Variants in WNK2 observed in about 807,000 individuals in gnomAD.
The protein encoded by WNK2 is WNK lysine deficient protein kinase 2.
In WNK2, 67 loss-of-function variants were observed where a neutral mutation model predicts 192.1. That is an observed-to-expected ratio of 0.35 (90% CI 0.29 to 0.43). The LOEUF is 0.43. Ranked by LOEUF, WNK2 falls within the 20% of genes least tolerant of loss-of-function variation. The pLI, the probability that WNK2 is intolerant of heterozygous loss-of-function variation, is 1.00. For synonymous variants in WNK2, 1,439 were observed against 1,393.9 expected, an observed-to-expected ratio of 1.03 and a Z score of -0.72; for missense variants, 2,698 against 3,089.7, an observed-to-expected ratio of 0.87 and a Z score of 3.01.
intron 2 of WNK2, among the ~76,000 whole-genome samples, chr9:93,191,725 G>T (rs1564263563): frequency 6.6e-6 from 1 of 152,110 alleles, no homozygotes; most frequent in Non-Finnish European, 1.5e-5. Context: ...CATCAGATCT[G>T]AAGGTAGAGA....
chr9:93,311,165 C>A (rs1272266123), intron 28 of WNK2, among the ~76,000 whole-genome samples: 3 of 152,182 alleles, frequency 2.0e-5, no homozygotes, highest in Non-Finnish European at 4.4e-5. Context: ...CGGTATCTGT[C>A]TTTTTCCACT....
At chr9:93,240,985 G>A (rs754118544) in intron 7 of WNK2, among the ~76,000 whole-genome samples, 5 of 152,218 alleles carry the variant, frequency 3.3e-5, no homozygotes, top group Non-Finnish European at 5.9e-5. Context: ...TGGGCCGGGG[G>A]CTGTTAGAAG....
At chr9:93,312,719 C>A (rs1248498194) in intron 28 of WNK2, among the ~76,000 whole-genome samples, 2 of 152,126 alleles carry the variant, frequency 1.3e-5, no homozygotes, top group Non-Finnish European at 2.9e-5. Context: ...TCCAGTTTTC[C>A]CAGCAGACGT....
intron 2 of WNK2, among the ~76,000 whole-genome samples, chr9:93,221,125 A>G (rs1160260462): frequency 6.6e-6 from 1 of 152,206 alleles, no homozygotes; most frequent in African/African-American, 2.4e-5. Context: ...GGCCCAGCAC[A>G]GAGGGCCAGT....
chr9:93,217,269 TAAG>T (rs1445651056), intron 2 of WNK2, among the ~76,000 whole-genome samples: 1 of 152,220 alleles, frequency 6.6e-6, no homozygotes, highest in African/African-American at 2.4e-5. Flanking sequence ...AAAAATCTTT[TAAG>T]AAGATACTAC....
At chr9:93,319,377 G>T in intron 29 of WNK2, 1 of 985,438 alleles carries the variant, frequency 1.0e-6, no homozygotes, top group South Asian at 4.7e-5. Flanking sequence ...TCCCCGGCAG[G>T]GGTCTGAGAG....
At chr9:93,308,266 C>T (rs1852972342) in intron 27 of WNK2, 62 bp from the exon 28 acceptor site, 1 of 1,512,364 alleles carries the variant, frequency 6.6e-7, no homozygotes, top group Non-Finnish European at 8.9e-7. Context: ...ATGCGGCCAG[C>T]CCACTGGGGG....
At position 93,239,892 on chromosome 9, in the gene WNK2, G is replaced by C; in HGVS notation, c.1458G>C (p.Leu486=). Reference sequence around the variant, plus strand: ...TCTGGGTGGAAGACCCCAAGAAACTGAAGGGAAAGCCCAAGGACAATGGAG... The same window carrying C: ...TCTGGGTGGAAGACCCCAAGAAACTCAAGGGAAAGCCCAAGGACAATGGAG... ...LRLWVEDPKK[L]KGKPKDNGAI... The change falls in exon 7 of 30, where the codon CTG becomes CTC. Residue 486 remains leucine (L), a synonymous_variant. Transcript: ENST00000427277. This position sits in a 1 kb window ranked among gnomAD's most constrained non-coding sequence, Gnocchi z 4.2. 1.2e-6 allele frequency: 2 copies of C among 1,610,902 alleles called. No individual in the cohort carries two copies. The highest frequency in any genetic ancestry group is 1.7e-6 in the Non-Finnish European group (2 of 1,178,638).
At position 93,259,646 on chromosome 9, in the gene WNK2, C is replaced by T; in HGVS notation, c.3066+32C>T. The T allele has an allele frequency of 6.6e-7, 1 of 1,514,194 alleles. No individual in the cohort carries two copies. The highest frequency in any genetic ancestry group is 8.8e-7 in the Non-Finnish European group (1 of 1,140,456). 93.8% of individuals were successfully genotyped at this position (1,514,194 alleles called of 1,614,324 possible). ...ACCTGCTGGGCAGGGGCTCACCCTCCCAGCGTCTGGGGACCCTCAGGACCC... is the reference window on the plus strand; with the variant it reads ...ACCTGCTGGGCAGGGGCTCACCCTCTCAGCGTCTGGGGACCCTCAGGACCC... On this transcript the variant is annotated intron_variant, in intron 12 of 29. Transcript: ENST00000427277. This position sits in a 1 kb window ranked among gnomAD's most constrained non-coding sequence, Gnocchi z 4.8.
In WNK2 at chr9:93,230,939, C is replaced by T. The variant is rs1170778721; in HGVS notation, c.906C>T (p.Cys302=). The change falls in exon 4 of 30, where the codon TGC becomes TGT. Residue 302 remains cysteine, a synonymous_variant. Transcript: ENST00000427277. ...AGCCCAAGGTTCTCCGCAGCTGGTGCCGGCAGATCCTGAAGGGCCTGCTGT... is the reference window on the plus strand; with the variant it reads ...AGCCCAAGGTTCTCCGCAGCTGGTGTCGGCAGATCCTGAAGGGCCTGCTGT... ...VMKPKVLRSW[C]RQILKGLLFL... is the part of the protein sequence containing the mutation. The T allele has an allele frequency of 6.2e-7, 1 of 1,613,872 alleles. No homozygotes were observed. Among genetic ancestry groups the T allele is most frequent in the Non-Finnish European group, 8.5e-7 (1 of 1,179,878 alleles).
intron 29 of WNK2, chr9:93,318,763 CG>C (rs1855162806): frequency 7.1e-7 from 1 of 1,414,904 alleles, no homozygotes; most frequent in South Asian, 1.6e-5. Context: ...CTGCGGAGGG[CG>C]GGGTCATTCT....
Position 93,257,025 on chromosome 9 carries a change from C to G in WNK2, c.2268C>G (p.Pro756=). 6.2e-7 allele frequency: 1 copy of G among 1,604,192 alleles called. No homozygotes were observed. Among genetic ancestry groups the G allele is most frequent in the Non-Finnish European group, 8.5e-7 (1 of 1,177,748 alleles). Residue 756 remains proline (P), a synonymous_variant, in exon 11 of 30, where the codon CCC becomes CCG. Transcript: ENST00000427277. This position sits in a 1 kb window ranked among gnomAD's most constrained non-coding sequence, Gnocchi z 4.7. Reference sequence around the variant, plus strand: ...CCGTGGTCCCCCTCCAGCCGGTTCCCCCCCACCTGCCACCGTACCTGGCTC... The same window carrying G: ...CCGTGGTCCCCCTCCAGCCGGTTCCGCCCCACCTGCCACCGTACCTGGCTC... ...PQPVVPLQPV[P]PHLPPYLAPA... is the part of the protein sequence containing the mutation.
chr9:93,249,720 C>T (rs536124147), intron 8 of WNK2, among the ~76,000 whole-genome samples: 141 of 152,004 alleles, frequency 9.3e-4, no homozygotes, highest in African/African-American at 3.1e-3. Context: ...GTGATCCGCC[C>T]GCCTCAGCCT....
chr9:93,267,547 A>G (rs1159556573), intron 16 of WNK2, among the ~76,000 whole-genome samples, 199 bp from the exon 17 acceptor site: 1 of 152,136 alleles, frequency 6.6e-6, no homozygotes, highest in African/African-American at 2.4e-5. Flanking sequence ...GTTGCTTCTC[A>G]AGATGAGGCT....
chr9:93,240,923 G>C (rs1435899064), intron 7 of WNK2, among the ~76,000 whole-genome samples: 3 of 152,230 alleles, frequency 2.0e-5, no homozygotes, highest in East Asian at 1.9e-4. Flanking sequence ...TTCTTGTCTT[G>C]AACAATGCAG....
chr9:93,288,462 C>G (rs3763634), intron 19 of WNK2, among the ~76,000 whole-genome samples: 59,414 of 152,122 alleles, frequency 0.39, 12,130 homozygotes, highest in South Asian at 0.61. Flanking sequence ...AGATGACAGA[C>G]AGGCAACAGC....
At chr9:93,201,648 G>T (rs1478605927) in intron 2 of WNK2, among the ~76,000 whole-genome samples, 1 of 152,198 alleles carries the variant, frequency 6.6e-6, no homozygotes, top group Admixed American at 6.5e-5. Flanking sequence ...TCCCTTCCCT[G>T]CCCAGGGCTA....
At chr9:93,191,003 G>T (rs539043547) in intron 2 of WNK2, among the ~76,000 whole-genome samples, 1 of 152,314 alleles carries the variant, frequency 6.6e-6, no homozygotes, top group South Asian at 2.1e-4. Context: ...GGCCAAGGAG[G>T]TGCAAGATGG....
Position 93,184,909 on chromosome 9 carries a change from G to A in WNK2, c.-2-19G>A. ...GCAGGGCCGGCGCTCACGCGGGCCT[G>A]TGTGTCCTTGGCCCACAGAGATGGA... On this transcript the variant is annotated intron_variant, in intron 1 of 29. Transcript: ENST00000427277. 8.2e-7 allele frequency: 1 copy of A among 1,222,068 alleles called. No homozygotes were observed. Among genetic ancestry groups the A allele is most frequent in the Non-Finnish European group, 1.0e-6 (1 of 982,076 alleles). 75.7% of individuals were successfully genotyped at this position (1,222,068 alleles called of 1,614,324 possible).
Sources: allele counts gnomAD v4.1 joint callset (sites outside exome capture counted in the v4.1 genomes callset), GRCh38; gene constraint gnomAD v4.1.1; non-coding constraint Gnocchi (gnomAD v3.1); transcripts MANE v1.5; gene names NCBI Gene and HGNC (gene_info 2026-07-23, HGNC 2026-07-21).